ADNP: variants seen among roughly 807,000 people sequenced by gnomAD.
The protein encoded by ADNP is activity-dependent neuroprotector homeobox protein.
A neutral mutation model predicts 84.9 loss-of-function variants in ADNP; 4 were observed. The ratio of observed to expected loss-of-function variants is 0.05; its 90% CI spans 0.02 to 0.11. The LOEUF (loss-of-function observed/expected upper bound fraction) is 0.11. Among genes scored for constraint, ADNP ranks in the 10% least tolerant of loss-of-function variants. The pLI, the probability that ADNP is intolerant of heterozygous loss-of-function variation, is 1.00. For missense variants in ADNP, 1,132 were observed against 1,326.0 expected (o/e 0.85, Z 2.27); for synonymous variants, 554 against 468.1 (o/e 1.18, Z -2.37).
chr20:50,891,993 G>A lies in ADNP; in HGVS notation c.2721C>T (p.Asn907=). 1 of 1,614,156 alleles carries A rather than the reference G, an allele frequency of 6.2e-7. No homozygotes were observed. The highest frequency in any genetic ancestry group is 1.1e-5 in the South Asian group (1 of 91,078). ...TTACCTTCAGTACATGTTCCTCTGG[G>A]TTATCGTTAGAGATTTTAGGTTCAA... is the stretch of plus-strand genomic sequence containing the variant. ...FEVEPKISND[N]PEEHVLKVIP... is the part of the protein sequence containing the mutation. The change falls in exon 6 of 6, where the codon AAC becomes AAT. Residue 907 remains asparagine (N), a synonymous_variant. Transcript: ENST00000621696.
intron 5 of ADNP, among the ~76,000 whole-genome samples, chr20:50,896,310 TA>T (rs1364126469): frequency 1.3e-5 from 2 of 151,510 alleles, no homozygotes; most frequent in East Asian, 2.0e-4. Flanking sequence ...TCTATAAGCT[TA>T]AAAAAATTTG....
At chr20:50,929,522 C>A (rs140029102) in intron 1 of ADNP, among the ~76,000 whole-genome samples, 1 of 152,322 alleles carries the variant, frequency 6.6e-6, no homozygotes, top group African/African-American at 2.4e-5. Flanking sequence ...ACATCCTGTT[C>A]TAGCTCGGGG....
rs1213492116 is a variant in ADNP at position 50,928,843 on chromosome 20, G to A, written c.-264-18C>T. ...TCTCACACCTATGGAAATAACAAGA[G>A]GAGTAAAATCTATGGAAATCAACAC... On this transcript the variant is annotated intron_variant, in intron 1 of 5. Coordinates refer to ENST00000621696, the MANE Select transcript of ADNP (RefSeq NM_001282531.3). The A allele has an allele frequency of 1.3e-5, 2 of 152,212 alleles. No homozygotes were observed. The highest frequency in any genetic ancestry group is 1.9e-4 in the East Asian group (1 of 5,202). The allele number at this position is 152,212 out of a possible 1,614,324, so 9.4% of individuals were successfully genotyped here.
intron 4 of ADNP, among the ~76,000 whole-genome samples, chr20:50,903,017 C>CTGT (rs745739171): frequency 1.3e-5 from 2 of 152,194 alleles, no homozygotes; most frequent in Non-Finnish European, 2.9e-5. Flanking sequence ...TTAAGAAAAC[C>CTGT]TGTTGTATGA....
chr20:50,892,030 G>C lies in ADNP; in HGVS notation c.2684C>G (p.Pro895Arg), dbSNP rs372213339. The change falls in exon 6 of 6, where the codon CCT (proline) becomes CGT (arginine). Residue 895 changes from proline to arginine, a missense_variant. Transcript: ENST00000621696. ...GATTTTAGGTTCAACTTCAAAAACA[G>C]GGTCAAAAGGGCTACCACTTTCATT... is the stretch of plus-strand genomic sequence containing the variant. ...ESNESGSPFD[P>R]VFEVEPKISN... 1.7e-5 allele frequency: 28 copies of C among 1,614,030 alleles called. No individual in the cohort carries two copies. The highest frequency in any genetic ancestry group is 2.2e-5 in the Non-Finnish European group (26 of 1,180,042).
intron 2 of ADNP, among the ~76,000 whole-genome samples, chr20:50,926,772 A>G (rs1003615838): frequency 6.6e-6 from 1 of 152,198 alleles, no homozygotes; most frequent in Non-Finnish European, 1.5e-5. Flanking sequence ...TTACTTATAT[A>G]TGATTCTCAA....
In ADNP at chr20:50,889,417, A is replaced by G. The variant is rs1473040359; in HGVS notation, c.*1988T>C. The G allele has an allele frequency of 6.5e-6, 1 of 153,404 alleles. No homozygotes were observed. The highest frequency in any genetic ancestry group is 1.5e-5 in the Non-Finnish European group (1 of 68,848). The allele number at this position is 153,404 out of a possible 1,614,324, so 9.5% of individuals were successfully genotyped here. A position where few individuals can be genotyped will look rare whatever the true frequency, so the allele number is the denominator to read the frequency against. On this transcript the variant is annotated 3_prime_UTR_variant, in exon 6 of 6. Coordinates refer to ENST00000621696, the MANE Select transcript of ADNP (RefSeq NM_001282531.3). ...TCCTGTCCTAAGTTTTGGCTGGTGC[A>G]TGTAGAACTTATAATCTACCTGTAT...
chr20:50,892,485 T>C lies in ADNP; in HGVS notation c.2229A>G (p.Glu743=), dbSNP rs748664992. ...AAACAACAGGCTCTTCAGGCTTCTC[T>C]TCAAAGAAGCTGGGTGAATCACTAT... is the stretch of plus-strand genomic sequence containing the variant. The part of the protein sequence containing the change: ...DDDSDSPSFF[E]EKPEEPVVLA... The change falls in exon 6 of 6, where the codon GAA becomes GAG. Residue 743 remains glutamate (E), a synonymous_variant. Coordinates refer to ENST00000621696, the MANE Select transcript of ADNP (RefSeq NM_001282531.3). The C allele has an allele frequency of 2.5e-6, 4 of 1,614,094 alleles. No homozygotes were observed. Among genetic ancestry groups the C allele is most frequent in the Non-Finnish European group, 3.4e-6 (4 of 1,180,036 alleles).
chr20:50,893,362 A>T lies in ADNP; in HGVS notation c.1352T>A (p.Ile451Asn). Residue 451 changes from isoleucine to asparagine, a missense_variant, in exon 6 of 6, where the codon ATC (isoleucine) becomes AAC (asparagine). Physicochemically the swap from Ile to Asn is moderately radical, Grantham distance 149. Around this residue, in one of 10 missense-constraint regions of ADNP, gnomAD observed 87 missense variants for 181.4 expected, o/e 0.48. Coordinates refer to ENST00000621696, the MANE Select transcript of ADNP (RefSeq NM_001282531.3). This position sits in a 1 kb window ranked among gnomAD's most constrained non-coding sequence, Gnocchi z 4.4. ...SSTQKWKICT[I>N]CNELFPENVY... ...ATTTTCAGGAAAAAGCTCATTACAGATTGTACATATTTTCCACTTTTGAGT... is the reference window on the plus strand; with the variant it reads ...ATTTTCAGGAAAAAGCTCATTACAGTTTGTACATATTTTCCACTTTTGAGT... 6.2e-7 allele frequency: 1 copy of T among 1,614,186 alleles called. No homozygotes were observed. The highest frequency in any genetic ancestry group is 8.5e-7 in the Non-Finnish European group (1 of 1,180,032).
rs553532572 is a variant in ADNP, at chr20:50,914,471, G to C, written c.-89-9622C>G. ...GTGTCCTGGAAACTAACATACTTGG[G>C]CACAGGACATCATCTACAAATGTTT... On this transcript the variant is annotated intron_variant, in intron 2 of 5. Transcript: ENST00000621696. 137 of 392,478 alleles carry C rather than the reference G, an allele frequency of 3.5e-4. 1 individual carries two copies. Among genetic ancestry groups the C allele is most frequent in the Non-Finnish European group, 4.4e-4 (91 of 207,308 alleles). The allele number at this position is 392,478 out of a possible 1,614,324, so 24.3% of individuals were successfully genotyped here. A position where few individuals can be genotyped will look rare whatever the true frequency, so the allele number is the denominator to read the frequency against.
chr20:50,899,370 C>A (rs993305668), intron 5 of ADNP, among the ~76,000 whole-genome samples: 15 of 152,040 alleles, frequency 9.9e-5, no homozygotes, highest in Admixed American at 9.8e-4. Context: ...GCCACCACAC[C>A]TGGCGAATTT....
At chr20:50,904,190 T>C (rs1982257103) in intron 3 of ADNP, 189 bp from the exon 4 acceptor site, 1 of 575,196 alleles carries the variant, frequency 1.7e-6, no homozygotes, top group East Asian at 2.9e-5. Context: ...TATCCATCCA[T>C]CCATCCTTCC....
At chr20:50,930,798 G>A (rs1210450658) in intron 1 of ADNP, 28 bp downstream of exon 1, 2 of 149,558 alleles carry the variant, frequency 1.3e-5, no homozygotes, top group African/African-American at 2.4e-5. Context: ...CAGGGCCGCG[G>A]GTCCGCGCGC....
chr20:50,927,681 C>T (rs76686990), intron 2 of ADNP, among the ~76,000 whole-genome samples: 2 of 152,126 alleles, frequency 1.3e-5, no homozygotes, highest in African/African-American at 2.4e-5. Context: ...CAGGCGTAAG[C>T]CACCTCACCT....
chr20:50,893,875 CTCT>C lies in ADNP; in HGVS notation c.836_838del (p.Lys279del), dbSNP rs771131110. The C allele has an allele frequency of 7.7e-5, 124 of 1,614,196 alleles. No homozygotes were observed. The African/African-American group carries it at 1.6e-3, about 20-fold the overall frequency. On this transcript the variant is annotated inframe_deletion, in exon 6 of 6. Transcript: ENST00000621696. This position sits in a 1 kb window ranked among gnomAD's most constrained non-coding sequence, Gnocchi z 4.4. ...ACCGATCCTTGGTGGGAGTCCCATG[CTCT>C]TCTTGTCTTGAGGTTTGGGAGCAAT...
chr20:50,895,388 G>C (rs1025056356), intron 5 of ADNP, among the ~76,000 whole-genome samples: 4 of 152,164 alleles, frequency 2.6e-5, no homozygotes, highest in African/African-American at 9.7e-5. Flanking sequence ...AAACATAGCT[G>C]AGCACAGAAA....
At chr20:50,909,760 C>T (rs73909829) in intron 2 of ADNP, 13,924 of 152,230 alleles carry the variant, frequency 0.091, 689 homozygotes, top group African/African-American at 0.13. Flanking sequence ...GAGCAGAGTA[C>T]ACATGACTCA....
In ADNP at chr20:50,894,058, C is replaced by G; in HGVS notation, c.656G>C (p.Ser219Thr). 3 of 1,614,216 alleles carry G rather than the reference C, an allele frequency of 1.9e-6. No individual in the cohort carries two copies. The highest frequency in any genetic ancestry group is 2.5e-6 in the Non-Finnish European group (3 of 1,180,036). Residue 219 changes from serine to threonine, a missense_variant, in exon 6 of 6, where the codon AGT becomes ACT. Around this residue, in one of 10 missense-constraint regions of ADNP, gnomAD observed 130 missense variants for 183.7 expected, o/e 0.71. Coordinates refer to ENST00000621696, the MANE Select transcript of ADNP (RefSeq NM_001282531.3). ...AAGGCATCGCTTGCAGTGAATACTA[C>G]TCTCTTCTCGGGCATTCGAGCCTAA... ...VPLGSNAREE[S>T]SIHCKRCLFM...
intron 2 of ADNP, among the ~76,000 whole-genome samples, chr20:50,920,907 T>G (rs1039537265): frequency 6.6e-6 from 1 of 152,294 alleles, no homozygotes; most frequent in Middle Eastern, 3.4e-3. Flanking sequence ...CAGTAAAGCT[T>G]TTCTTTGCTA....
Sources: gnomAD v4.1 joint callset for allele counts (sites outside exome capture counted in the v4.1 genomes callset) on GRCh38, gnomAD v4.1.1 for gene constraint, gnomAD v4.1.1 regional missense constraint, Gnocchi (gnomAD v3.1) non-coding constraint, MANE v1.5 for transcripts, NCBI Gene and HGNC (gene_info 2026-07-23, HGNC 2026-07-21) for gene names.